Variants in SLC17A8 observed in about 807,000 individuals in gnomAD.
SLC17A8 encodes solute carrier family 17 member 8.
In SLC17A8, 31 loss-of-function variants were observed where a neutral mutation model predicts 58.0. That is an observed-to-expected ratio of 0.53 (90% CI 0.40 to 0.72). The LOEUF (loss-of-function observed/expected upper bound fraction) is 0.72, where lower values mean the gene tolerates loss of function less well. Among genes scored for constraint, SLC17A8 ranks in the 30% least tolerant of loss-of-function variants. The pLI, the probability that SLC17A8 is intolerant of heterozygous loss-of-function variation, is 0.00. For missense variants in SLC17A8, 655 were observed against 727.8 expected (o/e 0.90, Z 1.15); for synonymous variants, 228 against 249.0 (o/e 0.92, Z 0.79).
Position 100,419,870 on chromosome 12 carries a change from G to A in SLC17A8, c.1481G>A (p.Gly494Asp), listed in dbSNP as rs748674816. ...FLIAALVHYS[G>D]VIFYGVFASG... is the part of the protein sequence containing the mutation. ...ATAGCTGCCCTGGTGCATTACAGTG[G>A]TGTGATCTTCTATGGGGTCTTTGCT... Residue 494 changes from glycine to aspartate, a missense_variant, in exon 12 of 12, where the codon GGT becomes GAT. Physicochemically the swap from Gly to Asp is moderately conservative, Grantham distance 94. Coordinates refer to ENST00000323346, the MANE Select transcript of SLC17A8 (RefSeq NM_139319.3). The A allele has an allele frequency of 1.9e-6, 3 of 1,614,056 alleles. No homozygotes were observed. In the South Asian group the frequency reaches 3.3e-5, roughly 18 times the overall value.
chr12:100,373,344 G>A (rs532026310), intron 1 of SLC17A8, among the ~76,000 whole-genome samples: 6 of 146,974 alleles, frequency 4.1e-5, no homozygotes, highest in East Asian at 2.1e-4. Flanking sequence ...TAACTTTCTC[G>A]TCTCCTCCCC....
chr12:100,375,763 A>C (rs929997752), intron 1 of SLC17A8, among the ~76,000 whole-genome samples: 3 of 152,220 alleles, frequency 2.0e-5, no homozygotes, highest in Admixed American at 1.3e-4. Context: ...AATATAAAGC[A>C]CTTTTTACGT....
rs775411136 is a variant in SLC17A8 at position 100,393,362 on chromosome 12, C to G, written c.474-7C>G. Reference sequence around the variant, plus strand: ...CTGCCGAATAACACAATGCTTTGGTCCCCCAGGGTCTTTGGAGCTGCCATC... The same window carrying G: ...CTGCCGAATAACACAATGCTTTGGTGCCCCAGGGTCTTTGGAGCTGCCATC... On this transcript the variant is annotated splice_region_variant and splice_polypyrimidine_tract_variant and intron_variant, in intron 3 of 11. Transcript: ENST00000323346. 6.2e-7 allele frequency: 1 copy of G among 1,604,912 alleles called. No individual in the cohort carries two copies. The highest frequency in any genetic ancestry group is 8.5e-7 in the Non-Finnish European group (1 of 1,172,042).
intron 9 of SLC17A8, among the ~76,000 whole-genome samples, chr12:100,405,336 T>G (rs1228386566): frequency 1.3e-5 from 2 of 152,188 alleles, no homozygotes; most frequent in Non-Finnish European, 2.9e-5. Flanking sequence ...GCTAGAATAA[T>G]GCCCATGTCC....
intron 5 of SLC17A8, 130 bp downstream of exon 5, chr12:100,396,547 G>A: frequency 1.4e-6 from 1 of 711,582 alleles, no homozygotes; most frequent in Non-Finnish European, 2.5e-6. Flanking sequence ...CCAGGAGTTC[G>A]AGATCAGCCT....
intron 1 of SLC17A8, among the ~76,000 whole-genome samples, chr12:100,372,915 T>C (rs1448536344): frequency 2.6e-5 from 4 of 152,216 alleles, no homozygotes; most frequent in Non-Finnish European, 5.9e-5. Context: ...TCTCTCACTT[T>C]GTGCTCCAAA....
chr12:100,373,515 T>C (rs1463461365), intron 1 of SLC17A8, among the ~76,000 whole-genome samples: 1 of 151,330 alleles, frequency 6.6e-6, no homozygotes. Context: ...AGAATAAAGA[T>C]GAGTTGGAAA....
chr12:100,359,169 A>G (rs1021694820), intron 1 of SLC17A8, among the ~76,000 whole-genome samples: 4 of 152,114 alleles, frequency 2.6e-5, no homozygotes, highest in Non-Finnish European at 5.9e-5. Flanking sequence ...TTAAAAACCT[A>G]TGACGTTGGG....
chr12:100,392,023 T>C (rs910548928), intron 3 of SLC17A8, among the ~76,000 whole-genome samples: 2 of 152,144 alleles, frequency 1.3e-5, no homozygotes, highest in African/African-American at 4.8e-5. Context: ...CAGTGAGTTC[T>C]CTGTCACCGG....
At chr12:100,396,157 GGGAATTAGGTTTTAACATA>G (rs546402204) in intron 4 of SLC17A8, among the ~76,000 whole-genome samples, 154 bp from the exon 5 acceptor site, 120 of 152,262 alleles carry the variant, frequency 7.9e-4, no homozygotes, top group East Asian at 4.2e-3. Flanking sequence ...CCATCACATT[GGGAATTAGGTTTTAACATA>G]GGAATTTGGT....
intron 2 of SLC17A8, among the ~76,000 whole-genome samples, chr12:100,383,022 A>G (rs1228799299): frequency 6.6e-6 from 1 of 152,222 alleles, no homozygotes; most frequent in Non-Finnish European, 1.5e-5. Context: ...TGTGGGGGAT[A>G]GAGGTAGAAG....
rs201385557 is a variant in SLC17A8, at chr12:100,404,199, C to T, written c.1186+29C>T. Reference sequence around the variant, plus strand: ...CTGTGGATTTCATAGATGGCTTAGGCAGCTTTTGTAGAATTAGGGTAAACT... The same window carrying T: ...CTGTGGATTTCATAGATGGCTTAGGTAGCTTTTGTAGAATTAGGGTAAACT... On this transcript the variant is annotated intron_variant, in intron 9 of 11. Coordinates refer to ENST00000323346, the MANE Select transcript of SLC17A8 (RefSeq NM_139319.3). 1.9e-6 allele frequency: 3 copies of T among 1,613,834 alleles called. No individual in the cohort carries two copies. In the African/African-American group the frequency reaches 4.0e-5, roughly 22 times the overall value.
Position 100,401,787 on chromosome 12 carries a change from AG to A in SLC17A8, c.691del (p.Ala231GlnfsTer57). ...CTTTTCTTGTTCCAGGTTCCTATGC[AG>A]GGGCAGTGGTTGCCATGCCCCTGGC... ...ATTSFCGSYAGAVVAMPLAGV... is the reference protein window; with the variant it reads ...ATTSFCGSYAXAVVAMPLAGV... On this transcript the variant is annotated frameshift_variant, in exon 6 of 12. Coordinates refer to ENST00000323346, the MANE Select transcript of SLC17A8 (RefSeq NM_139319.3). LOFTEE classifies it high-confidence loss of function. The A allele has an allele frequency of 1.9e-6, 3 of 1,613,642 alleles. No homozygotes were observed. The highest frequency in any genetic ancestry group is 2.5e-6 in the Non-Finnish European group (3 of 1,179,586).
At chr12:100,374,606 C>T (rs1331166326) in intron 1 of SLC17A8, among the ~76,000 whole-genome samples, 2 of 152,044 alleles carry the variant, frequency 1.3e-5, no homozygotes, top group Non-Finnish European at 1.5e-5. Flanking sequence ...TGCAAGACTC[C>T]GTCTCAAAAA....
chr12:100,415,457 G>A (rs1952899820), intron 10 of SLC17A8, among the ~76,000 whole-genome samples: 1 of 149,492 alleles, frequency 6.7e-6, no homozygotes, highest in Non-Finnish European at 1.5e-5. Flanking sequence ...AAAATAGACA[G>A]GGTCTCGCTC....
intron 9 of SLC17A8, among the ~76,000 whole-genome samples, chr12:100,406,125 CT>C (rs1197061427): frequency 2.0e-5 from 3 of 152,226 alleles, no homozygotes; most frequent in Non-Finnish European, 4.4e-5. Context: ...CACTCCCTTT[CT>C]CTTTCCCTGT....
chr12:100,394,837 AAT>A (rs1441388104), intron 4 of SLC17A8, among the ~76,000 whole-genome samples: 2 of 147,702 alleles, frequency 1.4e-5, no homozygotes, highest in Non-Finnish European at 3.0e-5. Flanking sequence ...GTATATATAT[AAT>A]ATATATAGTG....
At chr12:100,364,539 TGGG>T (rs1952506371) in intron 1 of SLC17A8, among the ~76,000 whole-genome samples, 4 of 152,198 alleles carry the variant, frequency 2.6e-5, no homozygotes, top group Admixed American at 6.5e-5. Flanking sequence ...GCTCTAGCAC[TGGG>T]TGGCTGAGGA....
chr12:100,357,175 T>G lies in SLC17A8; in HGVS notation c.-217T>G. ...CAGCCAGACACCCCTTGGACTCTTTTTTGGAGGGGTGGGGAGCAGAGAGAG... is the reference window on the plus strand; with the variant it reads ...CAGCCAGACACCCCTTGGACTCTTTGTTGGAGGGGTGGGGAGCAGAGAGAG... On this transcript the variant is annotated 5_prime_UTR_variant, in exon 1 of 12. Coordinates refer to ENST00000323346, the MANE Select transcript of SLC17A8 (RefSeq NM_139319.3). The G allele has an allele frequency of 1.9e-6, 1 of 515,488 alleles. No homozygotes were observed. The highest frequency in any genetic ancestry group is 3.5e-6 in the Non-Finnish European group (1 of 284,722). The allele number at this position is 515,488 out of a possible 1,614,324, so 31.9% of individuals were successfully genotyped here.
Sources: allele counts gnomAD v4.1 joint callset (sites outside exome capture counted in the v4.1 genomes callset), GRCh38; gene constraint gnomAD v4.1.1; transcripts MANE v1.5; gene names NCBI Gene and HGNC (gene_info 2026-07-23, HGNC 2026-07-21).